Variants in ZFYVE28 observed in about 807,000 individuals in gnomAD.
ZFYVE28 encodes the protein zinc finger FYVE-type containing 28, also known as lateral signaling target protein 2 homolog.
ZFYVE28 carries 40 observed loss-of-function variants against 82.1 expected under a neutral mutation model. That is an observed-to-expected ratio of 0.49 (90% CI 0.38 to 0.63). The LOEUF (loss-of-function observed/expected upper bound fraction) is 0.63. Ranked by LOEUF, ZFYVE28 falls within the 30% of genes least tolerant of loss-of-function variation. The probability of loss-of-function intolerance (pLI) is 0.00; values close to 1 mark genes in which losing one functional copy is unlikely to be tolerated. For synonymous variants in ZFYVE28, 612 were observed against 546.1 expected (o/e 1.12, Z -1.68); for missense variants, 1,321 against 1,242.1 (o/e 1.06, Z -0.96).
chr4:2,366,130 C>A (rs1726859208), intron 1 of ZFYVE28, among the ~76,000 whole-genome samples: 2 of 152,198 alleles, frequency 1.3e-5, no homozygotes, highest in African/African-American at 4.8e-5. Context: ...AAAGAGACTT[C>A]TGGGGGGAGT....
At chr4:2,301,799 C>A (rs180890159) in intron 8 of ZFYVE28, among the ~76,000 whole-genome samples, 296 of 152,350 alleles carry the variant, frequency 1.9e-3, no homozygotes, top group South Asian at 0.013. Flanking sequence ...GGTCTGAGCC[C>A]CTGAGGAAAG....
chr4:2,417,309 G>T lies in ZFYVE28; in HGVS notation c.39+976C>A, dbSNP rs1322006161. On this transcript the variant is annotated intron_variant, in intron 1 of 12. Transcript: ENST00000290974. This position sits in a 1 kb window ranked among gnomAD's most constrained non-coding sequence, Gnocchi z 4.8. ...CCAGATGCGCCCTGGACCCTGCGCC[G>T]GGATCCTGAACACCGCCGCGCCTTC... is the stretch of plus-strand genomic sequence containing the variant. 6.6e-6 allele frequency among the ~76,000 whole-genome samples: 1 copy of T among 152,032 alleles called. No individual in the cohort carries two copies. The highest frequency in any genetic ancestry group is 1.5e-5 in the Non-Finnish European group (1 of 67,966).
chr4:2,283,344 TATCCATCC>T (rs145125230), intron 8 of ZFYVE28, among the ~76,000 whole-genome samples: 6 of 120,284 alleles, frequency 5.0e-5, no homozygotes, highest in Admixed American at 1.6e-4. Context: ...CCCATCCATT[TATCCATCC>T]ATCCATCCAT....
intron 1 of ZFYVE28, among the ~76,000 whole-genome samples, chr4:2,402,631 C>T (rs189974970): frequency 1.3e-5 from 2 of 152,292 alleles, no homozygotes; most frequent in East Asian, 3.9e-4. Context: ...GGGCAGGGAA[C>T]GCGGTAGACA....
intron 1 of ZFYVE28, among the ~76,000 whole-genome samples, chr4:2,403,046 C>T (rs562339514): frequency 6.0e-4 from 91 of 152,374 alleles, no homozygotes; most frequent in African/African-American, 2.1e-3. Context: ...AAGTGCAATG[C>T]TGACCTCTCT....
At chr4:2,352,905 G>A (rs961449986) in intron 2 of ZFYVE28, among the ~76,000 whole-genome samples, 1 of 152,186 alleles carries the variant, frequency 6.6e-6, no homozygotes, top group Non-Finnish European at 1.5e-5. Context: ...CCACGGGGCA[G>A]GTCTAGCACC....
intron 1 of ZFYVE28, among the ~76,000 whole-genome samples, chr4:2,401,182 C>G (rs1731134878): frequency 1.3e-5 from 2 of 152,202 alleles, no homozygotes; most frequent in Non-Finnish European, 2.9e-5. Context: ...CTAAGGGGGG[C>G]CCCGAAGGGG....
At chr4:2,337,191 G>C (rs1721959520) in intron 5 of ZFYVE28, among the ~76,000 whole-genome samples, 1 of 152,086 alleles carries the variant, frequency 6.6e-6, no homozygotes, top group African/African-American at 2.4e-5. Context: ...GCGGTGGAAG[G>C]GGGCCGGGCA....
At position 2,416,464 on chromosome 4, in the gene ZFYVE28, G is replaced by A. The variant is rs933293041; in HGVS notation, c.39+1821C>T. On this transcript the variant is annotated intron_variant, in intron 1 of 12. Coordinates refer to ENST00000290974, the MANE Select transcript of ZFYVE28 (RefSeq NM_020972.3). The surrounding 1 kb of genome is among the most constrained non-coding windows in gnomAD (Gnocchi z 4.6). ...TTTCTCCAGCTGCCTCCCGCCATTT[G>A]TCACAGAAAATAATGCTGCTGCACG... Among the ~76,000 whole-genome samples the A allele has an allele frequency of 1.3e-5, 2 of 152,178 alleles. No individual in the cohort carries two copies. The highest frequency in any genetic ancestry group is 2.9e-5 in the Non-Finnish European group (2 of 68,036).
intron 8 of ZFYVE28, chr4:2,295,917 C>T (rs1188566861): frequency 6.6e-6 from 1 of 152,444 alleles, no homozygotes; most frequent in African/African-American, 2.4e-5. Flanking sequence ...CAGGTGGTGC[C>T]CTTGAGTGGA....
chr4:2,278,222 T>C (rs1159100612), intron 8 of ZFYVE28, among the ~76,000 whole-genome samples: 1 of 123,592 alleles, frequency 8.1e-6, no homozygotes, highest in African/African-American at 4.1e-5. Context: ...ATTCTCTCTT[T>C]TTTTTTTTTT....
Position 2,417,825 on chromosome 4 carries a change from G to C in ZFYVE28, c.39+460C>G, listed in dbSNP as rs1733260787. ...TGGAGTGCGGAGGGAGATCTATTCC[G>C]GGCCCAGGACAATGGGGGTGGGGGC... is the stretch of plus-strand genomic sequence containing the variant. On this transcript the variant is annotated intron_variant, in intron 1 of 12. Transcript: ENST00000290974. The surrounding 1 kb of genome is among the most constrained non-coding windows in gnomAD (Gnocchi z 4.8). Among the ~76,000 whole-genome samples the C allele has an allele frequency of 6.6e-6, 1 of 151,232 alleles. No homozygotes were observed. Among genetic ancestry groups the C allele is most frequent in the South Asian group, 2.1e-4 (1 of 4,800 alleles).
At chr4:2,279,582 A>G (rs554838744) in intron 8 of ZFYVE28, among the ~76,000 whole-genome samples, 13 of 152,192 alleles carry the variant, frequency 8.5e-5, no homozygotes, top group South Asian at 4.1e-4. Flanking sequence ...GATCGAGACC[A>G]TCCTGGCTAA....
chr4:2,271,141 G>C (rs61739973), intron 12 of ZFYVE28, 170 bp downstream of exon 12: 35 of 775,910 alleles, frequency 4.5e-5, no homozygotes, highest in Non-Finnish European at 6.1e-5. Context: ...GGTTCCCGTG[G>C]TCAAATGCCT....
rs565182145 is a variant in ZFYVE28, at chr4:2,300,040, C to T, written c.2051+4249G>A. Among the ~76,000 whole-genome samples the T allele has an allele frequency of 6.6e-5, 10 of 152,284 alleles. 1 individual carries two copies. The highest frequency in any genetic ancestry group is 1.7e-4 in the African/African-American group (7 of 41,556). On this transcript the variant is annotated intron_variant, in intron 8 of 12. Coordinates refer to ENST00000290974, the MANE Select transcript of ZFYVE28 (RefSeq NM_020972.3). This position sits in a 1 kb window ranked among gnomAD's most constrained non-coding sequence, Gnocchi z 4.6. ...CTTGAACTCCTGGCCTCAAGCAATACGCCTGCCTCAGCCCCCAAAGTGCTG... is the reference window on the plus strand; with the variant it reads ...CTTGAACTCCTGGCCTCAAGCAATATGCCTGCCTCAGCCCCCAAAGTGCTG...
At chr4:2,282,361 G>A (rs1004402770) in intron 8 of ZFYVE28, among the ~76,000 whole-genome samples, 5 of 152,360 alleles carry the variant, frequency 3.3e-5, no homozygotes, top group Admixed American at 3.3e-4. Context: ...TGTGTCTTCA[G>A]CTGTGTCACA....
chr4:2,319,297 C>T (rs1358147566), intron 7 of ZFYVE28, among the ~76,000 whole-genome samples: 1 of 152,162 alleles, frequency 6.6e-6, no homozygotes, highest in Non-Finnish European at 1.5e-5. Context: ...AGCCATCTCC[C>T]AGATGAAACA....
chr4:2,383,354 T>C (rs1728921912), intron 1 of ZFYVE28, among the ~76,000 whole-genome samples: 1 of 152,154 alleles, frequency 6.6e-6, no homozygotes, highest in African/African-American at 2.4e-5. Flanking sequence ...GTTTTCACTT[T>C]TGCATCTTCC....
Position 2,337,425 on chromosome 4 carries a change from A to G in ZFYVE28, c.593T>C (p.Phe198Ser). 1 of 1,609,070 alleles carries G rather than the reference A, an allele frequency of 6.2e-7. No individual in the cohort carries two copies. Among genetic ancestry groups the G allele is most frequent in the South Asian group, 1.1e-5 (1 of 89,926 alleles). Residue 198 changes from phenylalanine to serine, a missense_variant, in exon 5 of 13, where the codon TTC becomes TCC. Physicochemically the swap from Phe to Ser is radical, Grantham distance 155. Coordinates refer to ENST00000290974, the MANE Select transcript of ZFYVE28 (RefSeq NM_020972.3). ...YYVQQEVIVLFCETVERALDF... is the reference protein window; with the variant it reads ...YYVQQEVIVLSCETVERALDF... Reference sequence around the variant, plus strand: ...TGCTCACCTCTCCACCGTCTCGCAGAAGAGCACGATGACCTCCTGCTGCAC... The same window carrying G: ...TGCTCACCTCTCCACCGTCTCGCAGGAGAGCACGATGACCTCCTGCTGCAC...
Sources: allele counts gnomAD v4.1 joint callset (sites outside exome capture counted in the v4.1 genomes callset), GRCh38; gene constraint gnomAD v4.1.1; non-coding constraint Gnocchi (gnomAD v3.1); transcripts MANE v1.5; gene names NCBI Gene and HGNC (gene_info 2026-07-23, HGNC 2026-07-21).